SPTBN1: variants seen among roughly 807,000 people sequenced by gnomAD.
SPTBN1 encodes the protein spectrin beta chain, non-erythrocytic 1.
Under a neutral mutation model 266.4 loss-of-function variants are expected in SPTBN1, and 32 were observed. The observed-to-expected ratio is 0.12, with a 90% CI of 0.09 to 0.16. The LOEUF is 0.16. Among genes scored for constraint, SPTBN1 ranks in the 10% least tolerant of loss-of-function variants. The pLI is 1.00. For synonymous variants in SPTBN1, 1,336 were observed against 1,162.2 expected (o/e 1.15, Z -3.04); for missense variants, 2,296 against 3,067.1 (o/e 0.75, Z 5.94).
intron 34 of SPTBN1, among the ~76,000 whole-genome samples, chr2:54,666,462 T>C (rs1323248279): frequency 1.3e-5 from 2 of 152,252 alleles, no homozygotes; most frequent in Non-Finnish European, 2.9e-5. Context: ...GAGATGCTAT[T>C]CTTTGCTCAT....
chr2:54,600,117 G>A (rs971828433), intron 3 of SPTBN1, among the ~76,000 whole-genome samples: 2 of 152,168 alleles, frequency 1.3e-5, no homozygotes, highest in African/African-American at 4.8e-5. Flanking sequence ...TTTTTAACTT[G>A]ATCTCCACCC....
intron 1 of SPTBN1, among the ~76,000 whole-genome samples, chr2:54,488,595 C>A (rs1042793150): frequency 3.3e-5 from 5 of 152,034 alleles, no homozygotes; most frequent in Non-Finnish European, 1.5e-5. Context: ...TCTCTTGGAC[C>A]CTTTTTCTCA....
At chr2:54,483,227 C>T (rs533328690) in intron 1 of SPTBN1, among the ~76,000 whole-genome samples, 1 of 152,300 alleles carries the variant, frequency 6.6e-6, no homozygotes. Flanking sequence ...GAAACAAGGA[C>T]AGTGCTAGCA....
chr2:54,565,169 C>A (rs1318552630), intron 2 of SPTBN1, among the ~76,000 whole-genome samples: 1 of 152,190 alleles, frequency 6.6e-6, no homozygotes, highest in African/African-American at 2.4e-5. Context: ...CTGGTGCACA[C>A]TAAAATTTGA....
At chr2:54,493,513 C>G (rs1416345510) in intron 1 of SPTBN1, among the ~76,000 whole-genome samples, 2 of 151,982 alleles carry the variant, frequency 1.3e-5, no homozygotes, top group Non-Finnish European at 2.9e-5. Context: ...TCAAGTGATT[C>G]TTGTGCCTCA....
intron 3 of SPTBN1, among the ~76,000 whole-genome samples, chr2:54,601,704 C>G (rs1676511812): frequency 6.6e-6 from 1 of 152,170 alleles, no homozygotes; most frequent in African/African-American, 2.4e-5. Flanking sequence ...CACTTAACCA[C>G]CAGCTTGGCA....
At chr2:54,562,106 A>G (rs187758236) in intron 2 of SPTBN1, among the ~76,000 whole-genome samples, 2 of 152,278 alleles carry the variant, frequency 1.3e-5, no homozygotes, top group East Asian at 1.9e-4. Context: ...ATAAAGTTGT[A>G]TTTGATGTTT....
intron 1 of SPTBN1, among the ~76,000 whole-genome samples, chr2:54,470,118 A>G (rs538381702): frequency 1.4e-4 from 21 of 152,340 alleles, no homozygotes; most frequent in Non-Finnish European, 2.8e-4. Flanking sequence ...TGTTTCTGAC[A>G]TAGGTTTCAT....
At position 54,637,767 on chromosome 2, in the gene SPTBN1, C is replaced by T; in HGVS notation, c.3822C>T (p.Asn1274=). 6.2e-7 allele frequency: 1 copy of T among 1,613,894 alleles called. No homozygotes were observed. Residue 1274 remains asparagine (N), a synonymous_variant, in exon 18 of 36, where the codon AAC becomes AAT. Coordinates refer to ENST00000356805, the MANE Select transcript of SPTBN1 (RefSeq NM_003128.3). ...AACTTTTGATGAGGTTGAAGGACAA[C>T]AGGGATCTACAGAAATTCCTGCAAG... ...ASELLMRLKD[N]RDLQKFLQDC...
At chr2:54,527,560 C>G (rs1337114181) in intron 2 of SPTBN1, 2 of 152,192 alleles carry the variant, frequency 1.3e-5, no homozygotes. Context: ...CAAATTCAGT[C>G]TTTAAGCAAG....
At chr2:54,504,681 G>A (rs952288353) in intron 1 of SPTBN1, among the ~76,000 whole-genome samples, 1 of 152,096 alleles carries the variant, frequency 6.6e-6, no homozygotes, top group African/African-American at 2.4e-5. Flanking sequence ...GAGCGTCCAT[G>A]GATTTTGGTA....
rs1680128225 is a variant in SPTBN1 at position 54,649,490 on chromosome 2, G to A, written c.5203-125G>A. Reference sequence around the variant, plus strand: ...TTCTCGAGCTAAGATCTATTGTTCTGAAGTCATGAGTATTATTGGCTACAT... The same window carrying A: ...TTCTCGAGCTAAGATCTATTGTTCTAAAGTCATGAGTATTATTGGCTACAT... On this transcript the variant is annotated intron_variant, in intron 25 of 35. Transcript: ENST00000356805. The surrounding 1 kb of genome is among the most constrained non-coding windows in gnomAD (Gnocchi z 6.7). 1.4e-6 allele frequency: 2 copies of A among 1,400,010 alleles called. No individual in the cohort carries two copies. The highest frequency in any genetic ancestry group is 1.9e-6 in the Non-Finnish European group (2 of 1,048,028). The allele number at this position is 1,400,010 out of a possible 1,614,324, so 86.7% of individuals were successfully genotyped here.
At chr2:54,620,236 T>TA (rs1385188191) in intron 7 of SPTBN1, among the ~76,000 whole-genome samples, 2 of 152,108 alleles carry the variant, frequency 1.3e-5, no homozygotes, top group Admixed American at 1.3e-4. Flanking sequence ...AAAACATGCA[T>TA]AAAAAATCAT....
chr2:54,555,946 G>C (rs1441647538), intron 2 of SPTBN1, among the ~76,000 whole-genome samples: 2 of 152,056 alleles, frequency 1.3e-5, no homozygotes, highest in African/African-American at 4.8e-5. Context: ...TCTTAGAGCT[G>C]TCCTCCCCTG....
chr2:54,650,283 G>A (rs1176990236), intron 26 of SPTBN1, among the ~76,000 whole-genome samples: 1 of 152,160 alleles, frequency 6.6e-6, no homozygotes, highest in Non-Finnish European at 1.5e-5. Context: ...TTTTTATTAT[G>A]TTAGCATATC....
At chr2:54,482,593 CTTATGT>C (rs981594116) in intron 1 of SPTBN1, among the ~76,000 whole-genome samples, 11 of 152,166 alleles carry the variant, frequency 7.2e-5, no homozygotes, top group Non-Finnish European at 1.5e-4. Context: ...CAGGAAGTTA[CTTATGT>C]TTATGTGAAT....
intron 4 of SPTBN1, among the ~76,000 whole-genome samples, chr2:54,615,459 G>A (rs545474013): frequency 6.6e-4 from 101 of 152,294 alleles, no homozygotes; most frequent in African/African-American, 2.1e-3. Context: ...CTAAAATTAC[G>A]TAGCTGGCAG....
intron 1 of SPTBN1, among the ~76,000 whole-genome samples, chr2:54,487,905 C>T (rs1449919759): frequency 7.6e-6 from 1 of 130,996 alleles, no homozygotes; most frequent in African/African-American, 2.8e-5. Context: ...TCTCAGCTCA[C>T]TGCAAGCTCC....
chr2:54,463,044 G>C (rs1487137557), intron 1 of SPTBN1, among the ~76,000 whole-genome samples: 1 of 152,206 alleles, frequency 6.6e-6, no homozygotes, highest in Non-Finnish European at 1.5e-5. Context: ...TCAGAATACA[G>C]TGAGACTGGA....
Sources: gnomAD v4.1 joint callset for allele counts (sites outside exome capture counted in the v4.1 genomes callset) on GRCh38, gnomAD v4.1.1 for gene constraint, Gnocchi (gnomAD v3.1) non-coding constraint, MANE v1.5 for transcripts, NCBI Gene and HGNC (gene_info 2026-07-23, HGNC 2026-07-21) for gene names.